PLCXD3: variants seen among roughly 807,000 people sequenced by gnomAD.
The protein encoded by PLCXD3 is phosphatidylinositol specific phospholipase C X domain containing 3.
PLCXD3 carries 19 observed loss-of-function variants against 25.5 expected under a neutral mutation model. That is an observed-to-expected ratio of 0.75 (90% CI 0.52 to 1.09). The LOEUF (loss-of-function observed/expected upper bound fraction) is 1.09, where lower values mean the gene tolerates loss of function less well. Ranked by LOEUF, PLCXD3 falls within the 50% of genes least tolerant of loss-of-function variation. The pLI is 0.00. For missense variants in PLCXD3, 411 were observed against 388.1 expected, an observed-to-expected ratio of 1.06 and a Z score of -0.50; for synonymous variants, 174 against 137.6, an observed-to-expected ratio of 1.26 and a Z score of -1.85.
intron 1 of PLCXD3, among the ~76,000 whole-genome samples, chr5:41,453,363 T>G (rs796863684): frequency 7.9e-5 from 12 of 152,056 alleles, no homozygotes; most frequent in African/African-American, 2.6e-4. Flanking sequence ...GTCTTTTTTT[T>G]TTTTTAATGA....
chr5:41,480,479 G>T (rs1433003993), intron 1 of PLCXD3, among the ~76,000 whole-genome samples: 4 of 150,448 alleles, frequency 2.7e-5, no homozygotes, highest in Admixed American at 1.3e-4. Flanking sequence ...GCCAGGGGTT[G>T]GGTACAGAGA....
chr5:41,467,897 A>G (rs1041827834), intron 1 of PLCXD3, among the ~76,000 whole-genome samples: 2 of 149,078 alleles, frequency 1.3e-5, no homozygotes, highest in Non-Finnish European at 3.0e-5. Context: ...TTGGTTTTCT[A>G]TTGTGTTCCA....
chr5:41,405,046 C>T (rs1463320459), intron 1 of PLCXD3, among the ~76,000 whole-genome samples: 1 of 152,134 alleles, frequency 6.6e-6, no homozygotes, highest in Non-Finnish European at 1.5e-5. Context: ...TATTTCTGTT[C>T]TTTGGCTCAA....
chr5:41,387,918 G>A (rs900700486), intron 1 of PLCXD3, among the ~76,000 whole-genome samples: 1 of 152,078 alleles, frequency 6.6e-6, no homozygotes, highest in Non-Finnish European at 1.5e-5. Context: ...ATGGGGTAGA[G>A]AGGAGAAAAT....
chr5:41,436,201 C>T (rs1280168082), intron 1 of PLCXD3, among the ~76,000 whole-genome samples: 2 of 151,774 alleles, frequency 1.3e-5, no homozygotes, highest in Non-Finnish European at 2.9e-5. Flanking sequence ...TAAATGTCAA[C>T]CCTTAAAAGT....
intron 2 of PLCXD3, among the ~76,000 whole-genome samples, chr5:41,361,487 C>T (rs1744778206): frequency 6.6e-6 from 1 of 152,208 alleles, no homozygotes; most frequent in Non-Finnish European, 1.5e-5. Flanking sequence ...ATGTGAGTCT[C>T]CACATGTTGC....
chr5:41,346,890 AC>A (rs1744316490), intron 2 of PLCXD3, among the ~76,000 whole-genome samples: 1 of 152,214 alleles, frequency 6.6e-6, no homozygotes, highest in Non-Finnish European at 1.5e-5. Flanking sequence ...CCATTCAACT[AC>A]CGAAGTACAT....
At chr5:41,478,519 C>G (rs1167331700) in intron 1 of PLCXD3, among the ~76,000 whole-genome samples, 1 of 152,058 alleles carries the variant, frequency 6.6e-6, no homozygotes, top group African/African-American at 2.4e-5. Flanking sequence ...AATAGGAAGG[C>G]CTTTCAGTGA....
At chr5:41,387,558 T>A (rs1289161579) in intron 1 of PLCXD3, among the ~76,000 whole-genome samples, 1 of 152,130 alleles carries the variant, frequency 6.6e-6, no homozygotes, top group Non-Finnish European at 1.5e-5. Flanking sequence ...TAAAGGGATA[T>A]GAATGACTTG....
At chr5:41,460,021 G>A (rs763450541) in intron 1 of PLCXD3, among the ~76,000 whole-genome samples, 18 of 151,822 alleles carry the variant, frequency 1.2e-4, no homozygotes, top group Non-Finnish European at 2.7e-4. Flanking sequence ...GTAACAAAGG[G>A]CACAGCTATG....
At chr5:41,438,285 G>C (rs1580373508) in intron 1 of PLCXD3, among the ~76,000 whole-genome samples, 1 of 152,132 alleles carries the variant, frequency 6.6e-6, no homozygotes, top group Non-Finnish European at 1.5e-5. Flanking sequence ...TGATGAAAAG[G>C]CAATAAGAAT....
intron 1 of PLCXD3, among the ~76,000 whole-genome samples, chr5:41,449,913 C>A (rs1327733898): frequency 6.6e-6 from 1 of 152,012 alleles, no homozygotes; most frequent in Non-Finnish European, 1.5e-5. Context: ...TTGAAGACAC[C>A]ACCTATTACC....
chr5:41,319,778 C>A (rs539873901), intron 2 of PLCXD3, among the ~76,000 whole-genome samples: 2 of 151,548 alleles, frequency 1.3e-5, no homozygotes, highest in Non-Finnish European at 1.5e-5. Flanking sequence ...GTAATAAATG[C>A]AATTGAAATG....
chr5:41,391,529 G>A (rs1267950410), intron 1 of PLCXD3, among the ~76,000 whole-genome samples: 2 of 152,172 alleles, frequency 1.3e-5, no homozygotes, highest in East Asian at 1.9e-4. Context: ...TAAATGAAGA[G>A]TCCTTGGGCC....
chr5:41,324,440 C>A (rs1743562875), intron 2 of PLCXD3, among the ~76,000 whole-genome samples: 1 of 152,090 alleles, frequency 6.6e-6, no homozygotes, highest in South Asian at 2.1e-4. Flanking sequence ...CCTGTCAGAC[C>A]CAGATAGAGG....
chr5:41,309,517 G>T lies in PLCXD3; in HGVS notation c.*4100C>A, dbSNP rs992473728. On this transcript the variant is annotated 3_prime_UTR_variant, in exon 3 of 3. Transcript: ENST00000377801. ...CACTCTGCCTACGGAACTCCTGTTT[G>T]GTTGAGTGACCAAAGATTAAAAGAT... 7 of 152,332 alleles carry T rather than the reference G, an allele frequency of 4.6e-5. No individual in the cohort carries two copies. The highest frequency in any genetic ancestry group is 1.2e-4 in the African/African-American group (5 of 41,440). The allele number at this position is 152,332 out of a possible 1,614,324, so 9.4% of individuals were successfully genotyped here.
chr5:41,478,124 A>G (rs1301589468), intron 1 of PLCXD3, among the ~76,000 whole-genome samples: 1 of 152,182 alleles, frequency 6.6e-6, no homozygotes, highest in Non-Finnish European at 1.5e-5. Context: ...ATGACACTGC[A>G]GTGACTTAAC....
At chr5:41,469,159 T>A (rs550148811) in intron 1 of PLCXD3, among the ~76,000 whole-genome samples, 1 of 152,348 alleles carries the variant, frequency 6.6e-6, no homozygotes, top group African/African-American at 2.4e-5. Context: ...TCTAACTTTG[T>A]TAATGTGGTA....
In PLCXD3 at chr5:41,372,652, A is replaced by T. The variant is rs190630076; in HGVS notation, c.812+9174T>A. ...TCTCACAACTGTAAGCTGGTACAGA[A>T]TCTTCTTCCTTCTGAGAAATAAAAA... On this transcript the variant is annotated intron_variant, in intron 2 of 2. Transcript: ENST00000377801. Among the ~76,000 whole-genome samples, 29 of 152,172 alleles carry T rather than the reference A, an allele frequency of 1.9e-4. No individual in the cohort carries two copies. In the East Asian group the frequency reaches 4.3e-3, roughly 22 times the overall value.
Sources: allele counts gnomAD v4.1 joint callset (sites outside exome capture counted in the v4.1 genomes callset), GRCh38; gene constraint gnomAD v4.1.1; transcripts MANE v1.5; gene names NCBI Gene and HGNC (gene_info 2026-07-23, HGNC 2026-07-21).